The following PHKG2 variants were observed in gnomAD, a reference collection of about 807,000 sequenced individuals.
PHKG2 encodes phosphorylase kinase catalytic subunit gamma 2.
A neutral mutation model predicts 44.5 loss-of-function variants in PHKG2; 28 were observed. That is an observed-to-expected ratio of 0.63 (90% confidence interval 0.47 to 0.86). PHKG2 has a LOEUF of 0.86. Among genes scored for constraint, PHKG2 ranks in the 40% least tolerant of loss-of-function variants. The pLI is 0.00. For synonymous variants in PHKG2, 220 were observed against 211.2 expected (o/e 1.04, Z -0.36); for missense variants, 498 against 547.5 (o/e 0.91, Z 0.90).
intron 1 of PHKG2, 79 bp downstream of exon 1, chr16:30,748,569 G>A (rs2053283099): frequency 5.6e-6 from 3 of 532,684 alleles, no homozygotes; most frequent in Non-Finnish European, 1.0e-5. Context: ...CTGCCCTTGC[G>A]CCCCTTCCCC....
Position 30,751,949 on chromosome 16 carries a change from C to T in PHKG2, c.326+346C>T, listed in dbSNP as rs111816920. 9.6e-4 allele frequency: 312 copies of T among 325,510 alleles called. 1 individual carries two copies. The highest frequency in any genetic ancestry group is 2.2e-3 in the Middle Eastern group (2 of 916). The allele number at this position is 325,510 out of a possible 1,614,324, so 20.2% of individuals were successfully genotyped here. ...TCTACTAAAAATACAAAAAATCAGC[C>T]GGGCGTGGTGGTGGGCGCCTGTAGT... On this transcript the variant is annotated intron_variant, in intron 4 of 9. Transcript: ENST00000563588.
chr16:30,760,061 G>A lies in PHKG2; in HGVS notation c.*2964G>A. 6.5e-7 allele frequency: 1 copy of A among 1,530,106 alleles called. No individual in the cohort carries two copies. Among genetic ancestry groups the A allele is most frequent in the Non-Finnish European group, 8.7e-7 (1 of 1,143,942 alleles). 94.8% of individuals were successfully genotyped at this position (1,530,106 alleles called of 1,614,324 possible). ...GTTATTGTGCACTATGCATATATTT[G>A]CATATATTATTTCTCAGAACAGTCC... On this transcript the variant is annotated 3_prime_UTR_variant, in exon 10 of 10. Coordinates refer to ENST00000563588, the MANE Select transcript of PHKG2 (RefSeq NM_000294.3).
rs775882763 is a variant in PHKG2, at chr16:30,759,455, G to A, written c.*2358G>A. 1 of 1,614,232 alleles carries A rather than the reference G, an allele frequency of 6.2e-7. No individual in the cohort carries two copies. Among genetic ancestry groups the A allele is most frequent in the South Asian group, 1.1e-5 (1 of 91,090 alleles). ...TTGAAGAGGTCGATGCTGAAAGGAG[G>A]CCGCTGTGGTGGTGACTCGGAATTA... On this transcript the variant is annotated 3_prime_UTR_variant, in exon 10 of 10. Coordinates refer to ENST00000563588, the MANE Select transcript of PHKG2 (RefSeq NM_000294.3).
At position 30,759,760 on chromosome 16, in the gene PHKG2, C is replaced by T. The variant is rs1337110057; in HGVS notation, c.*2663C>T. On this transcript the variant is annotated 3_prime_UTR_variant, in exon 10 of 10. Coordinates refer to ENST00000563588, the MANE Select transcript of PHKG2 (RefSeq NM_000294.3). ...AAGCAAGATGCAGCAGTGAGGCCCT[C>T]TCTGGTATCCATTCATTCACTTCAC... 1.9e-6 allele frequency: 3 copies of T among 1,573,574 alleles called. No homozygotes were observed. The highest frequency in any genetic ancestry group is 2.6e-6 in the Non-Finnish European group (3 of 1,160,972).
intron 5 of PHKG2, 22 bp downstream of exon 5, chr16:30,753,319 C>G (rs770738163): frequency 2.5e-6 from 4 of 1,613,924 alleles, no homozygotes; most frequent in Non-Finnish European, 2.5e-6. Flanking sequence ...GCCTGAAGCC[C>G]CAGGGGTGAG....
chr16:30,756,980 GA>G lies in PHKG2; in HGVS notation c.1106del (p.Asn369ThrfsTer28). The stretch of plus-strand genomic sequence containing the variant: ...ACTGGGTAAAGAAAGGGGAGCAGCA[GA>G]ACCGGGCGGCTCTCTTTCAGCACCG... ...GHWVKKGEQQNRAALFQHRPP... is the reference protein window; with the variant it reads ...GHWVKKGEQQXRAALFQHRPP... On this transcript the variant is annotated frameshift_variant, in exon 10 of 10. Transcript: ENST00000563588. LOFTEE classifies it low-confidence loss of function (END_TRUNC). 2 of 1,612,440 alleles carry G rather than the reference GA, an allele frequency of 1.2e-6. No homozygotes were observed. Among genetic ancestry groups the G allele is most frequent in the Non-Finnish European group, 1.7e-6 (2 of 1,180,026 alleles).
rs1306035513 is a variant in PHKG2, at chr16:30,757,799, G to T, written c.*702G>T. On this transcript the variant is annotated 3_prime_UTR_variant, in exon 10 of 10. Coordinates refer to ENST00000563588, the MANE Select transcript of PHKG2 (RefSeq NM_000294.3). The stretch of plus-strand genomic sequence containing the variant: ...TGTTGTTTCCCTTTAGGAAATGTTA[G>T]CAAGCCCTTGTGTGAGAGGTAGTTG... 7.0e-7 allele frequency: 1 copy of T among 1,422,972 alleles called. No homozygotes were observed. The highest frequency in any genetic ancestry group is 1.5e-5 in the South Asian group (1 of 65,862). 88.1% of individuals were successfully genotyped at this position (1,422,972 alleles called of 1,614,324 possible). A position where few individuals can be genotyped will look rare whatever the true frequency, so the allele number is the denominator to read the frequency against.
At chr16:30,752,291 G>A (rs531351034) in intron 4 of PHKG2, among the ~76,000 whole-genome samples, 3 of 145,014 alleles carry the variant, frequency 2.1e-5, no homozygotes, top group East Asian at 4.1e-4. Context: ...CCAGCTAATC[G>A]GGAGGCAGGA....
At position 30,759,916 on chromosome 16, in the gene PHKG2, A is replaced by G. The variant is rs1447455597; in HGVS notation, c.*2819A>G. The G allele has an allele frequency of 1.4e-6, 2 of 1,440,390 alleles. No homozygotes were observed. Among genetic ancestry groups the G allele is most frequent in the Non-Finnish European group, 1.8e-6 (2 of 1,101,536 alleles). The allele number at this position is 1,440,390 out of a possible 1,614,324, so 89.2% of individuals were successfully genotyped here. ...CCCACTGTATGGTTTTCGGCACTGA[A>G]CAAGACAGACAAGGTCCTGCCCTTA... On this transcript the variant is annotated 3_prime_UTR_variant, in exon 10 of 10. Coordinates refer to ENST00000563588, the MANE Select transcript of PHKG2 (RefSeq NM_000294.3).
intron 2 of PHKG2, among the ~76,000 whole-genome samples, chr16:30,750,711 C>G (rs1246954970): frequency 1.3e-5 from 2 of 152,166 alleles, no homozygotes; most frequent in African/African-American, 4.8e-5. Context: ...GCTTCCTACA[C>G]TTGAGGGAAC....
rs373555168 is a variant in PHKG2 at position 30,757,742 on chromosome 16, A to G, written c.*645A>G. 707 of 1,496,004 alleles carry G rather than the reference A, an allele frequency of 4.7e-4. 6 individuals carry two copies. In the South Asian group the frequency reaches 5.2e-3, roughly 11 times the overall value. The allele number at this position is 1,496,004 out of a possible 1,614,324, so 92.7% of individuals were successfully genotyped here. A position where few individuals can be genotyped will look rare whatever the true frequency, so the allele number is the denominator to read the frequency against. On this transcript the variant is annotated 3_prime_UTR_variant, in exon 10 of 10. Coordinates refer to ENST00000563588, the MANE Select transcript of PHKG2 (RefSeq NM_000294.3). ...TCCCTAGTTGGGCAAACAGTCCCCA[A>G]ATTTCCCCTGGTGGGGATATAGAGG...
chr16:30,754,758 G>A, intron 6 of PHKG2: 1 of 418,932 alleles, frequency 2.4e-6, no homozygotes. Context: ...CTTGGCTTGG[G>A]TAATTCAGGC....
In PHKG2 at chr16:30,757,375, T is replaced by C. The variant is rs890090949; in HGVS notation, c.*278T>C. 1 of 1,543,060 alleles carries C rather than the reference T, an allele frequency of 6.5e-7. No homozygotes were observed. The highest frequency in any genetic ancestry group is 2.0e-5 in the Admixed American group (1 of 50,902). On this transcript the variant is annotated 3_prime_UTR_variant, in exon 10 of 10. Coordinates refer to ENST00000563588, the MANE Select transcript of PHKG2 (RefSeq NM_000294.3). ...TACACGCCAGGGAGAACAGGTGTCC[T>C]GTGTCTGTCTGGCTTGGGCAGGAAA...
chr16:30,751,552 C>T lies in PHKG2; in HGVS notation c.275C>T (p.Thr92Ile). 1 of 1,613,238 alleles carries T rather than the reference C, an allele frequency of 6.2e-7. No homozygotes were observed. Among genetic ancestry groups the T allele is most frequent in the African/African-American group, 1.3e-5 (1 of 75,016 alleles). ...GCCTCTCTTCCTCTCTCCCTAGTCA[C>T]CCTCATCGATTCCTACGAGTCTTCT... is the stretch of plus-strand genomic sequence containing the variant. ...RQVAGHPHII[T>I]LIDSYESSSF... The change falls in exon 4 of 10, where the codon ACC becomes ATC. Residue 92 changes from threonine (T) to isoleucine (I), a missense_variant. Physicochemically the swap from Thr to Ile is moderately conservative, Grantham distance 89 (BLOSUM62 -1). Transcript: ENST00000563588.
chr16:30,760,703 G>A lies in PHKG2; in HGVS notation c.*3606G>A, dbSNP rs750024690. ...TAAAAGAAAAAGAGTATTGGTGGCC[G>A]TTACCTATCATGACAAGGCTGTGAC... is the stretch of plus-strand genomic sequence containing the variant. On this transcript the variant is annotated 3_prime_UTR_variant, in exon 10 of 10. Transcript: ENST00000563588. 7 of 1,540,684 alleles carry A rather than the reference G, an allele frequency of 4.5e-6. No individual in the cohort carries two copies. The highest frequency in any genetic ancestry group is 3.9e-5 in the Admixed American group (2 of 50,988).
At chr16:30,753,778 C>A (rs1227891958) in intron 6 of PHKG2, among the ~76,000 whole-genome samples, 1 of 152,148 alleles carries the variant, frequency 6.6e-6, no homozygotes, top group African/African-American at 2.4e-5. Context: ...GACAGTGGTG[C>A]ACAGTGGGCA....
Position 30,751,614 on chromosome 16 carries a change from C to A in PHKG2, c.326+11C>A. On this transcript the variant is annotated intron_variant, in intron 4 of 9. Transcript: ENST00000563588. ...CCTGGTGTTTGACCTGTGAGTATCT[C>A]CCTGCCACCATCTGAGAAGCCTCCT... The A allele has an allele frequency of 6.2e-7, 1 of 1,610,022 alleles. No individual in the cohort carries two copies. The highest frequency in any genetic ancestry group is 8.5e-7 in the Non-Finnish European group (1 of 1,176,228).
At chr16:30,752,516 T>C (rs1458702478) in intron 4 of PHKG2, 2 of 152,934 alleles carry the variant, frequency 1.3e-5, no homozygotes, top group East Asian at 3.9e-4. Context: ...CAGTTCTTTT[T>C]CTGGTCAGAA....
Position 30,761,102 on chromosome 16 carries a change from T to TA in PHKG2, c.*4005_*4006insA. ...ATTGCATCTCCAGGCCTCAGTCTCA[T>TA]CTGTAAAATGGGGATGCCCTGGCCA... On this transcript the variant is annotated 3_prime_UTR_variant, in exon 10 of 10. Coordinates refer to ENST00000563588, the MANE Select transcript of PHKG2 (RefSeq NM_000294.3). 1 of 1,412,202 alleles carries TA rather than the reference T, an allele frequency of 7.1e-7. No individual in the cohort carries two copies. Among genetic ancestry groups the TA allele is most frequent in the Middle Eastern group, 2.1e-4 (1 of 4,862 alleles). The allele number at this position is 1,412,202 out of a possible 1,614,324, so 87.5% of individuals were successfully genotyped here. A position where few individuals can be genotyped will look rare whatever the true frequency, so the allele number is the denominator to read the frequency against.
Sources: allele counts gnomAD v4.1 joint callset (sites outside exome capture counted in the v4.1 genomes callset), GRCh38; gene constraint gnomAD v4.1.1; transcripts MANE v1.5; gene names NCBI Gene and HGNC (gene_info 2026-07-23, HGNC 2026-07-21).